The following CELF2 variants were observed in gnomAD, a reference collection of about 807,000 sequenced individuals.
CELF2 encodes CUG triplet repeat RNA-binding protein 2.
Under a neutral mutation model 62.6 loss-of-function variants are expected in CELF2, and 8 were observed. That is an observed-to-expected ratio of 0.13 (90% CI 0.07 to 0.23). CELF2 has a LOEUF of 0.23. Ranked by LOEUF, CELF2 falls within the 10% of genes least tolerant of loss-of-function variation. CELF2 has a pLI of 1.00. For synonymous variants in CELF2, 258 were observed against 250.0 expected (o/e 1.03, Z -0.30); for missense variants, 333 against 671.0 (o/e 0.50, Z 5.56).
chr10:10,732,270 T>C, the CELF2 span, among the ~76,000 whole-genome samples: 1 of 152,200 alleles, frequency 6.6e-6, no homozygotes, highest in East Asian at 1.9e-4. Context: ...GCGGAGACTG[T>C]ATACGCTAAT....
the CELF2 span, among the ~76,000 whole-genome samples, chr10:10,758,618 C>A: frequency 6.6e-6 from 1 of 152,182 alleles, no homozygotes; most frequent in African/African-American, 2.4e-5. Context: ...GAGAGCCTTC[C>A]TGGAACTTCA....
chr10:10,840,822 C>T lies in CELF2; in HGVS notation c.53+42005C>T, dbSNP rs145195859. 6.8e-3 allele frequency among the ~76,000 whole-genome samples: 1,040 copies of T among 152,176 alleles called. 6 individuals carry two copies. The highest frequency in any genetic ancestry group is 0.01 in the Non-Finnish European group (686 of 68,004). On this transcript the variant is annotated intron_variant, in intron 1 of 13. Transcript: ENST00000636488. ...GCCCTGCATGCATTTGGTATTTGTC[C>T]TAATTCTCTCCCTCCCCTTGTCCCC... is the stretch of plus-strand genomic sequence containing the variant.
At chr10:10,591,660 T>C in the CELF2 span, among the ~76,000 whole-genome samples, 2 of 152,236 alleles carry the variant, frequency 1.3e-5, no homozygotes, top group Admixed American at 6.5e-5. Context: ...TTCCCTTCTC[T>C]GTTAAGACGT....
the CELF2 span, among the ~76,000 whole-genome samples, chr10:10,781,675 G>T: frequency 6.6e-6 from 1 of 152,258 alleles, no homozygotes; most frequent in East Asian, 1.9e-4. Flanking sequence ...ATGAGATTTG[G>T]GTGGGGACAC....
At chr10:10,629,689 C>T in the CELF2 span, among the ~76,000 whole-genome samples, 1 of 151,894 alleles carries the variant, frequency 6.6e-6, no homozygotes, top group Non-Finnish European at 1.5e-5. Context: ...TTAAAGATAG[C>T]AGAACTCTTC....
the CELF2 span, among the ~76,000 whole-genome samples, chr10:10,471,522 C>A: frequency 4.4e-3 from 668 of 151,530 alleles, 6 homozygotes; most frequent in East Asian, 0.036. Context: ...TTGTAGATTA[C>A]AATATTCATT....
chr10:10,862,880 A>G (rs1217445525), intron 1 of CELF2, among the ~76,000 whole-genome samples: 2 of 152,252 alleles, frequency 1.3e-5, no homozygotes, highest in Non-Finnish European at 2.9e-5. Flanking sequence ...TCTTATTTTA[A>G]TTCTGTCAAT....
At chr10:10,985,694 A>G (rs1441106384) in intron 2 of CELF2, among the ~76,000 whole-genome samples, 1 of 152,202 alleles carries the variant, frequency 6.6e-6, no homozygotes, top group Admixed American at 6.5e-5. Flanking sequence ...CCGTGGTCAT[A>G]ATATAAAAAG....
At chr10:10,687,147 A>G in the CELF2 span, among the ~76,000 whole-genome samples, 2 of 152,186 alleles carry the variant, frequency 1.3e-5, no homozygotes, top group Non-Finnish European at 2.9e-5. Context: ...CTCTTGTGGA[A>G]GTGCTGCACA....
At chr10:10,611,886 A>T in the CELF2 span, among the ~76,000 whole-genome samples, 161 of 152,294 alleles carry the variant, frequency 1.1e-3, no homozygotes, top group African/African-American at 3.7e-3. Flanking sequence ...AGGGTCCTTT[A>T]TTACTAGGGA....
At chr10:11,208,505 G>GT (rs2060984168) in intron 2 of CELF2, among the ~76,000 whole-genome samples, 1 of 152,200 alleles carries the variant, frequency 6.6e-6, no homozygotes, top group Non-Finnish European at 1.5e-5. Context: ...ACTGAGCAGG[G>GT]ACACTCGGCA....
chr10:10,522,049 C>A, the CELF2 span, among the ~76,000 whole-genome samples: 1 of 152,162 alleles, frequency 6.6e-6, no homozygotes, highest in Non-Finnish European at 1.5e-5. Context: ...GTGAAGTCAC[C>A]TTTATCTGGG....
At chr10:10,767,147 T>C in the CELF2 span, among the ~76,000 whole-genome samples, 1 of 152,162 alleles carries the variant, frequency 6.6e-6, no homozygotes, top group Non-Finnish European at 1.5e-5. Flanking sequence ...GACCAGTCTT[T>C]GAACCATAAA....
At chr10:10,623,085 CAAAAAAAAAAAAAAAAAAAAAA>C in the CELF2 span, among the ~76,000 whole-genome samples, 12 of 57,228 alleles carry the variant, frequency 2.1e-4, no homozygotes, top group East Asian at 9.0e-3. Context: ...GACTCCGTCT[CAAAAAAAAAAAAAAAAAAAAAA>C]AAAAAAAAAA....
Position 10,972,583 on chromosome 10 carries a change from C to T in CELF2, c.89+52584C>T, listed in dbSNP as rs1161161157. Among the ~76,000 whole-genome samples, 1 of 152,282 alleles carries T rather than the reference C, an allele frequency of 6.6e-6. No individual in the cohort carries two copies. Among genetic ancestry groups the T allele is most frequent in the Admixed American group, 6.5e-5 (1 of 15,304 alleles). On this transcript the variant is annotated intron_variant, in intron 2 of 13. Coordinates refer to the CELF2 transcript ENST00000636488. The surrounding 1 kb of genome is among the most constrained non-coding windows in gnomAD (Gnocchi z 4.4). Reference sequence around the variant, plus strand: ...TCCCTGGCTGAGCTCATCTCTCTTACGGGTTCAACCGTCTTCTACATATTG... The same window carrying T: ...TCCCTGGCTGAGCTCATCTCTCTTATGGGTTCAACCGTCTTCTACATATTG...
At chr10:10,472,591 A>G in the CELF2 span, among the ~76,000 whole-genome samples, 1 of 151,826 alleles carries the variant, frequency 6.6e-6, no homozygotes, top group Non-Finnish European at 1.5e-5. Context: ...CCTCCTGTTT[A>G]TGGCCCATAC....
rs183941124 is a variant in CELF2 at position 11,182,137 on chromosome 10, A to C, written c.271+16455A>C. Among the ~76,000 whole-genome samples, 90 of 152,386 alleles carry C rather than the reference A, an allele frequency of 5.9e-4. 1 individual carries two copies. Among genetic ancestry groups the C allele is most frequent in the Admixed American group, 5.0e-3 (77 of 15,312 alleles). On this transcript the variant is annotated intron_variant, in intron 2 of 12. Coordinates refer to ENST00000633077, the MANE Select transcript of CELF2 (RefSeq NM_001326342.2). ...AGCAAGGGCTCTGAGCCCTCTGAGCAGCGTGCTCACCTGAAACCCCGCCAG... is the reference window on the plus strand; with the variant it reads ...AGCAAGGGCTCTGAGCCCTCTGAGCCGCGTGCTCACCTGAAACCCCGCCAG...
At chr10:11,259,155 G>A (rs545081127) in intron 5 of CELF2, among the ~76,000 whole-genome samples, 1 of 152,370 alleles carries the variant, frequency 6.6e-6, no homozygotes, top group East Asian at 1.9e-4. Context: ...CATGTTGAAA[G>A]AAAAGATTGG....
At chr10:10,989,615 C>T (rs1241927979) in intron 2 of CELF2, among the ~76,000 whole-genome samples, 1 of 151,810 alleles carries the variant, frequency 6.6e-6, no homozygotes, top group Admixed American at 6.6e-5. Context: ...AATCTACTCT[C>T]AGGGTAGGTG....
Sources: allele counts gnomAD v4.1 joint callset (sites outside exome capture counted in the v4.1 genomes callset), GRCh38; gene constraint gnomAD v4.1.1; non-coding constraint Gnocchi (gnomAD v3.1); transcripts MANE v1.5; gene names NCBI Gene and HGNC (gene_info 2026-07-23, HGNC 2026-07-21).